The following RANBP2 variants were observed in gnomAD, a reference collection of about 807,000 sequenced individuals.
The protein encoded by RANBP2 is E3 SUMO-protein ligase RanBP2.
RANBP2 carries 57 observed loss-of-function variants against 303.6 expected under a neutral mutation model. The ratio of observed to expected loss-of-function variants is 0.19; its 90% confidence interval spans 0.15 to 0.23. The LOEUF (loss-of-function observed/expected upper bound fraction) is 0.23, where lower values mean the gene tolerates loss of function less well. Among genes scored for constraint, RANBP2 ranks in the 10% least tolerant of loss-of-function variants. The pLI, the probability that RANBP2 is intolerant of heterozygous loss-of-function variation, is 1.00. For missense variants in RANBP2, 3,138 were observed against 3,780.8 expected (o/e 0.83, Z 4.46); for synonymous variants, 1,167 against 1,301.5 (o/e 0.90, Z 2.23).
chr2:109,508,137 A>T, the RANBP2 span, among the ~76,000 whole-genome samples: 44,049 of 151,766 alleles, frequency 0.29, 6,728 homozygotes, highest in Admixed American at 0.39. Flanking sequence ...GCCATCTGAC[A>T]CCTTCCCCAT....
the RANBP2 span, among the ~76,000 whole-genome samples, chr2:109,116,916 G>C: frequency 6.6e-6 from 1 of 152,228 alleles, no homozygotes; most frequent in African/African-American, 2.4e-5. Context: ...TGTTTGCCTG[G>C]GTAACAGCAG....
At chr2:109,585,891 T>TA in the RANBP2 span, 1 of 1,378,592 alleles carries the variant, frequency 7.3e-7, no homozygotes, top group Non-Finnish European at 1.0e-6. Flanking sequence ...AACTTTGACT[T>TA]AAATAGGATG....
chr2:109,164,522 C>T, the RANBP2 span, among the ~76,000 whole-genome samples: 2 of 152,152 alleles, frequency 1.3e-5, no homozygotes, highest in African/African-American at 2.4e-5. Flanking sequence ...TTCGGCCAAG[C>T]CTGGCTGTTT....
chr2:109,032,130 C>G, the RANBP2 span, among the ~76,000 whole-genome samples: 1 of 152,086 alleles, frequency 6.6e-6, no homozygotes, highest in African/African-American at 2.4e-5. Flanking sequence ...GTAATTACCG[C>G]TCTGCAGTTT....
the RANBP2 span, among the ~76,000 whole-genome samples, chr2:109,605,976 C>A: frequency 1.3e-5 from 2 of 152,260 alleles, no homozygotes; most frequent in South Asian, 4.2e-4. Flanking sequence ...TAAGAACTGC[C>A]AAAGCCTGGA....
At chr2:109,703,940 C>T in the RANBP2 span, among the ~76,000 whole-genome samples, 1 of 152,164 alleles carries the variant, frequency 6.6e-6, no homozygotes, top group East Asian at 1.9e-4. Context: ...TGGTGGACAC[C>T]ATGAGTAGCA....
At chr2:109,279,945 G>A in the RANBP2 span, among the ~76,000 whole-genome samples, 1 of 152,024 alleles carries the variant, frequency 6.6e-6, no homozygotes, top group Non-Finnish European at 1.5e-5. Flanking sequence ...GGTGGAGGGT[G>A]AGGGGTGAGA....
At chr2:109,731,396 A>AT in the RANBP2 span, among the ~76,000 whole-genome samples, 29 of 147,544 alleles carry the variant, frequency 2.0e-4, no homozygotes, top group Middle Eastern at 3.5e-3. Flanking sequence ...TAGTTTTTTA[A>AT]TTTTTTTTTT....
the RANBP2 span, among the ~76,000 whole-genome samples, chr2:109,755,198 TGG>T: frequency 8.5e-4 from 84 of 99,056 alleles, no homozygotes; most frequent in East Asian, 0.023. Flanking sequence ...CACACCTTGG[TGG>T]GGGGGGGCCC....
chr2:109,701,061 G>C, the RANBP2 span, among the ~76,000 whole-genome samples: 1 of 152,206 alleles, frequency 6.6e-6, no homozygotes, highest in African/African-American at 2.4e-5. Context: ...CGCGTTCACA[G>C]GAGATGGGCT....
At chr2:109,544,419 C>A in the RANBP2 span, 9 of 1,433,930 alleles carry the variant, frequency 6.3e-6, no homozygotes, top group South Asian at 3.4e-5. Flanking sequence ...GGATATCTGG[C>A]CATGGGACTT....
chr2:109,720,604 G>A, the RANBP2 span, among the ~76,000 whole-genome samples: 1 of 152,316 alleles, frequency 6.6e-6, no homozygotes, highest in African/African-American at 2.4e-5. Flanking sequence ...GTGCAGGTCT[G>A]TAAGAACTTG....
At chr2:109,288,583 A>C in the RANBP2 span, among the ~76,000 whole-genome samples, 2 of 152,208 alleles carry the variant, frequency 1.3e-5, no homozygotes, top group Non-Finnish European at 2.9e-5. Context: ...TCTGTTGAGA[A>C]TTGTTCTGTT....
the RANBP2 span, among the ~76,000 whole-genome samples, chr2:109,588,713 AC>A: frequency 6.0e-5 from 9 of 151,138 alleles, no homozygotes; most frequent in Non-Finnish European, 1.3e-4. Context: ...CTGGTCTCAA[AC>A]TCCTGACCTC....
chr2:108,821,620 A>G, the RANBP2 span, among the ~76,000 whole-genome samples: 3 of 152,150 alleles, frequency 2.0e-5, no homozygotes, highest in East Asian at 1.9e-4. Context: ...GCTACAAAAC[A>G]TACAGAAAAA....
the RANBP2 span, among the ~76,000 whole-genome samples, chr2:109,224,445 T>C: frequency 2.0e-5 from 3 of 152,218 alleles, no homozygotes; most frequent in African/African-American, 7.2e-5. Flanking sequence ...TTTGAGGTCA[T>C]GTGCATAGCA....
chr2:109,615,596 C>T, the RANBP2 span: 11 of 1,613,694 alleles, frequency 6.8e-6, no homozygotes, highest in South Asian at 2.2e-5. Context: ...CCGATGTGGA[C>T]ATCAGGGACT....
the RANBP2 span, among the ~76,000 whole-genome samples, chr2:109,686,287 T>C: frequency 3.3e-3 from 502 of 152,250 alleles, 7 homozygotes; most frequent in South Asian, 0.028. Flanking sequence ...AGCATCAAGC[T>C]CAAATCATGT....
chr2:109,250,090 C>CTTT, the RANBP2 span, among the ~76,000 whole-genome samples: 142 of 134,936 alleles, frequency 1.1e-3, 1 homozygote, highest in African/African-American at 3.6e-3. Flanking sequence ...GTAGGTGTTC[C>CTTT]TTTTTTTTTT....
Sources: gnomAD v4.1 joint callset for allele counts (sites outside exome capture counted in the v4.1 genomes callset) on GRCh38, gnomAD v4.1.1 for gene constraint, MANE v1.5 for transcripts, NCBI Gene and HGNC (gene_info 2026-07-23, HGNC 2026-07-21) for gene names.